CDH12: variants seen among roughly 807,000 people sequenced by gnomAD.
The protein encoded by CDH12 is cadherin 12.
In CDH12, 41 loss-of-function variants were observed where a neutral mutation model predicts 74.1. The ratio of observed to expected loss-of-function variants is 0.55; its 90% CI spans 0.43 to 0.72. The LOEUF (loss-of-function observed/expected upper bound fraction) is 0.72. Ranked by LOEUF, CDH12 falls within the 30% of genes least tolerant of loss-of-function variation. The pLI, the probability that CDH12 is intolerant of heterozygous loss-of-function variation, is 0.00. For synonymous variants in CDH12, 399 were observed against 355.0 expected, an observed-to-expected ratio of 1.12 and a Z score of -1.39; for missense variants, 945 against 977.2, an observed-to-expected ratio of 0.97 and a Z score of 0.44.
intron 3 of CDH12, among the ~76,000 whole-genome samples, chr5:22,312,581 T>C (rs1050178526): frequency 3.7e-4 from 57 of 152,328 alleles, no homozygotes; most frequent in African/African-American, 1.4e-3. Flanking sequence ...AAACTGATAA[T>C]AATAAGGAAC....
Position 22,474,842 on chromosome 5 carries a change from C to A in CDH12, c.-428+30428G>T, listed in dbSNP as rs898378207. Among the ~76,000 whole-genome samples the A allele has an allele frequency of 2.6e-5, 4 of 152,092 alleles. No homozygotes were observed. The South Asian group carries it at 6.2e-4, about 24-fold the overall frequency. ...GTCCAACTCTCATATTTTCAGGAAC[C>A]AAGCCATAGTACAAATAAAGAATCA... On this transcript the variant is annotated intron_variant, in intron 2 of 14. Transcript: ENST00000382254.
At chr5:22,049,855 A>C (rs547201047) in intron 5 of CDH12, among the ~76,000 whole-genome samples, 1 of 152,186 alleles carries the variant, frequency 6.6e-6, no homozygotes, top group South Asian at 2.1e-4. Context: ...TCTCTTCCTC[A>C]AGTTTAATCC....
chr5:22,577,781 A>G (rs930312064), intron 1 of CDH12, among the ~76,000 whole-genome samples: 10 of 152,204 alleles, frequency 6.6e-5, no homozygotes, highest in African/African-American at 2.4e-4. Context: ...GTTCAGCAGC[A>G]TCTACACAGT....
intron 1 of CDH12, among the ~76,000 whole-genome samples, chr5:22,540,428 G>A (rs1738053657): frequency 6.6e-6 from 1 of 151,980 alleles, no homozygotes; most frequent in South Asian, 2.1e-4. Flanking sequence ...AGAAAAAGAA[G>A]GGTAAAAGAG....
At chr5:22,650,340 A>T (rs1239393969) in intron 1 of CDH12, among the ~76,000 whole-genome samples, 1 of 152,020 alleles carries the variant, frequency 6.6e-6, no homozygotes, top group Non-Finnish European at 1.5e-5. Context: ...TTGTTTAGTT[A>T]TGGAAACCAT....
chr5:22,551,374 C>T (rs1738563521), intron 1 of CDH12, among the ~76,000 whole-genome samples: 1 of 152,116 alleles, frequency 6.6e-6, no homozygotes, highest in Admixed American at 6.5e-5. Flanking sequence ...CTTTAGTATT[C>T]TGTTATTGCA....
chr5:21,944,959 C>A (rs1451071507), intron 6 of CDH12, among the ~76,000 whole-genome samples: 1 of 152,010 alleles, frequency 6.6e-6, no homozygotes, highest in Non-Finnish European at 1.5e-5. Context: ...CACACCCACC[C>A]AGCTCTCAGG....
chr5:22,032,707 C>CAAA (rs374314576), intron 5 of CDH12, among the ~76,000 whole-genome samples: 2 of 127,834 alleles, frequency 1.6e-5, no homozygotes, highest in African/African-American at 2.8e-5. Context: ...GATTCCATCT[C>CAAA]AAAAAAAAAA....
intron 5 of CDH12, among the ~76,000 whole-genome samples, chr5:22,077,597 A>T (rs895483212): frequency 2.6e-5 from 4 of 152,168 alleles, no homozygotes; most frequent in African/African-American, 7.2e-5. Flanking sequence ...ACTTAAAAAG[A>T]ATTCACAAAA....
intron 6 of CDH12, among the ~76,000 whole-genome samples, chr5:21,959,949 G>T (rs575973513): frequency 1.4e-5 from 2 of 142,752 alleles, no homozygotes; most frequent in Admixed American, 7.0e-5. Context: ...AAAAAAAGAC[G>T]AAGTGCATTA....
intron 3 of CDH12, among the ~76,000 whole-genome samples, chr5:22,271,064 T>C (rs1736377866): frequency 1.3e-5 from 2 of 152,208 alleles, no homozygotes; most frequent in African/African-American, 4.8e-5. Flanking sequence ...GCAGAATTTA[T>C]CTGTGGGTTT....
chr5:22,172,595 G>A (rs902148089), intron 4 of CDH12: 2 of 151,704 alleles, frequency 1.3e-5, no homozygotes, highest in African/African-American at 4.8e-5. Context: ...GAACTGGGAG[G>A]TCTCTTTCCT....
intron 3 of CDH12, among the ~76,000 whole-genome samples, chr5:22,244,586 AGAAAG>A (rs1287807447): frequency 2.2e-5 from 3 of 133,750 alleles, no homozygotes; most frequent in Non-Finnish European, 4.8e-5. Flanking sequence ...AGTAAGAGAA[AGAAAG>A]GAAAGACAGA....
At chr5:22,384,300 G>A (rs1358040795) in intron 3 of CDH12, among the ~76,000 whole-genome samples, 2 of 151,454 alleles carry the variant, frequency 1.3e-5, no homozygotes, top group African/African-American at 4.8e-5. Context: ...CGAGGCGGGC[G>A]GATCACGAGG....
chr5:22,440,784 G>A (rs1269238854), intron 2 of CDH12, among the ~76,000 whole-genome samples: 1 of 151,938 alleles, frequency 6.6e-6, no homozygotes, highest in Non-Finnish European at 1.5e-5. Context: ...AGTTATATTG[G>A]GTCAGCCTGA....
chr5:21,904,549 A>T (rs1040251855), intron 6 of CDH12, among the ~76,000 whole-genome samples: 1 of 152,118 alleles, frequency 6.6e-6, no homozygotes, highest in African/African-American at 2.4e-5. Flanking sequence ...TGAGAGGATC[A>T]CTTGAGGCCA....
intron 1 of CDH12, among the ~76,000 whole-genome samples, chr5:22,671,852 TC>T (rs1740914992): frequency 6.6e-6 from 1 of 150,802 alleles, no homozygotes; most frequent in Non-Finnish European, 1.5e-5. Flanking sequence ...ATTTTTTTTT[TC>T]CTTTTTGGGG....
At chr5:22,727,333 A>C (rs1008974697) in intron 1 of CDH12, among the ~76,000 whole-genome samples, 4 of 151,788 alleles carry the variant, frequency 2.6e-5, no homozygotes, top group African/African-American at 9.7e-5. Flanking sequence ...TATTTTTAAA[A>C]GAAGATTGGG....
chr5:22,702,354 A>G (rs1742757493), intron 1 of CDH12, among the ~76,000 whole-genome samples: 1 of 152,104 alleles, frequency 6.6e-6, no homozygotes, highest in South Asian at 2.1e-4. Flanking sequence ...CCACTGATAC[A>G]AGGCAGATTC....
Sources: allele counts gnomAD v4.1 joint callset (sites outside exome capture counted in the v4.1 genomes callset), GRCh38; gene constraint gnomAD v4.1.1; transcripts MANE v1.5; gene names NCBI Gene and HGNC (gene_info 2026-07-23, HGNC 2026-07-21).